Variants in UBE2W observed in about 807,000 individuals in gnomAD.
UBE2W encodes the protein ubiquitin-conjugating enzyme E2 W.
A neutral mutation model predicts 27.2 loss-of-function variants in UBE2W; 18 were observed. That is an observed-to-expected ratio of 0.66 (90% CI 0.46 to 0.98). UBE2W has a LOEUF of 0.98. Ranked by LOEUF, UBE2W falls within the 50% of genes least tolerant of loss-of-function variation. The pLI, the probability that UBE2W is intolerant of heterozygous loss-of-function variation, is 0.00. For missense variants in UBE2W, 90 were observed against 180.2 expected (o/e 0.50, Z 2.87); for synonymous variants, 53 against 57.2 (o/e 0.93, Z 0.33).
At chr8:73,797,878 T>C (rs1297307358) in intron 5 of UBE2W, among the ~76,000 whole-genome samples, 1 of 152,234 alleles carries the variant, frequency 6.6e-6, no homozygotes, top group African/African-American at 2.4e-5. Flanking sequence ...TGAGCATCCC[T>C]AAATCCAAAA....
intron 1 of UBE2W, among the ~76,000 whole-genome samples, chr8:73,855,558 C>T (rs1811262258): frequency 6.6e-6 from 1 of 151,924 alleles, no homozygotes; most frequent in African/African-American, 2.4e-5. Context: ...CACGCCACCA[C>T]ACCCAGCTAA....
At chr8:73,864,299 C>T (rs1375865090) in intron 1 of UBE2W, among the ~76,000 whole-genome samples, 2 of 152,158 alleles carry the variant, frequency 1.3e-5, no homozygotes, top group African/African-American at 4.8e-5. Flanking sequence ...AAGGCTAAGG[C>T]ACGAGAATCA....
intron 1 of UBE2W, among the ~76,000 whole-genome samples, chr8:73,868,309 C>T (rs932036215): frequency 8.5e-5 from 13 of 152,170 alleles, no homozygotes; most frequent in African/African-American, 3.1e-4. Context: ...GTTTGGAGAG[C>T]TTTTGAATTG....
chr8:73,799,112 A>G (rs1808537005), intron 5 of UBE2W, among the ~76,000 whole-genome samples: 1 of 152,178 alleles, frequency 6.6e-6, no homozygotes, highest in Non-Finnish European at 1.5e-5. Context: ...AGTCAACTAC[A>G]AGTAAGTAAT....
At chr8:73,870,895 A>C (rs1373551876) in intron 1 of UBE2W, among the ~76,000 whole-genome samples, 1 of 151,502 alleles carries the variant, frequency 6.6e-6, no homozygotes, top group Non-Finnish European at 1.5e-5. Context: ...TTCCAAATAG[A>C]GAAAACAACA....
At chr8:73,872,403 T>C (rs573280937) in intron 1 of UBE2W, among the ~76,000 whole-genome samples, 1 of 152,226 alleles carries the variant, frequency 6.6e-6, no homozygotes, top group Middle Eastern at 3.2e-3. Flanking sequence ...TTCATATTTA[T>C]ATAATATACC....
At chr8:73,834,062 G>A (rs1810208686) in intron 1 of UBE2W, 1 of 152,184 alleles carries the variant, frequency 6.6e-6, no homozygotes, top group Non-Finnish European at 1.5e-5. Context: ...TTCTTAAAGT[G>A]AAGAAGACAA....
intron 1 of UBE2W, among the ~76,000 whole-genome samples, chr8:73,840,073 C>CT (rs1292518526): frequency 6.6e-6 from 1 of 151,018 alleles, no homozygotes; most frequent in African/African-American, 2.4e-5. Context: ...TTTTTTCCCC[C>CT]CAAGAAGGAG....
intron 1 of UBE2W, among the ~76,000 whole-genome samples, chr8:73,869,556 T>G (rs1259571776): frequency 6.6e-6 from 1 of 152,182 alleles, no homozygotes; most frequent in East Asian, 1.9e-4. Context: ...CTGGGTGTGG[T>G]GGCGCACGCC....
chr8:73,831,349 G>C (rs1467997912), intron 1 of UBE2W: 1 of 183,600 alleles, frequency 5.4e-6, no homozygotes, highest in South Asian at 1.2e-4. Flanking sequence ...AGGCAAAGGA[G>C]GTCTACATGA....
At chr8:73,860,210 A>G (rs1201945124) in intron 1 of UBE2W, among the ~76,000 whole-genome samples, 1 of 152,144 alleles carries the variant, frequency 6.6e-6, no homozygotes, top group East Asian at 1.9e-4. Flanking sequence ...TACCAACCAA[A>G]TATTAACTGG....
chr8:73,788,298 G>C lies in UBE2W; in HGVS notation c.*5804C>G, dbSNP rs1172258374. ...AGTGACTTTACATATTTTGCAACTT[G>C]AGTTTATAAAATATATACATCCACC... On this transcript the variant is annotated 3_prime_UTR_variant, in exon 6 of 6. Transcript: ENST00000602593. The C allele has an allele frequency of 1.5e-5, 15 of 983,410 alleles. No individual in the cohort carries two copies. Among genetic ancestry groups the C allele is most frequent in the Non-Finnish European group, 1.8e-5 (15 of 828,244 alleles). 60.9% of individuals were successfully genotyped at this position (983,410 alleles called of 1,614,324 possible). A position where few individuals can be genotyped will look rare whatever the true frequency, so the allele number is the denominator to read the frequency against.
At chr8:73,795,748 C>T in intron 5 of UBE2W, 22 of 974,120 alleles carry the variant, frequency 2.3e-5, no homozygotes, top group Non-Finnish European at 2.7e-5. Flanking sequence ...AGAATAGTAT[C>T]TTTAAGAAAA....
At chr8:73,867,034 A>C (rs6472802) in intron 1 of UBE2W, among the ~76,000 whole-genome samples, 3,492 of 152,046 alleles carry the variant, frequency 0.023, 139 homozygotes, top group African/African-American at 0.08. Context: ...ATTTTTGTGA[A>C]TGTAATAAAT....
chr8:73,872,662 T>C (rs1812048585), intron 1 of UBE2W, among the ~76,000 whole-genome samples: 1 of 152,200 alleles, frequency 6.6e-6, no homozygotes, highest in South Asian at 2.1e-4. Flanking sequence ...TGAACACAGT[T>C]TGGCATCACA....
Position 73,822,284 on chromosome 8 carries a change from A to C in UBE2W, c.210+2863T>G, listed in dbSNP as rs181791251. On this transcript the variant is annotated intron_variant, in intron 3 of 5. Coordinates refer to ENST00000602593, the MANE Select transcript of UBE2W (RefSeq NM_018299.6). ...TCCTGTTGAGAGGGGGCACTGAGAG[A>C]CAGGACTAGCTGGATTTCCTAGGCC... Among the ~76,000 whole-genome samples the C allele has an allele frequency of 2.6e-3, 402 of 152,250 alleles. 1 individual carries two copies. The highest frequency in any genetic ancestry group is 9.2e-3 in the African/African-American group (382 of 41,528).
rs1808277786 is a variant in UBE2W, at chr8:73,793,263, G to A, written c.*839C>T. On this transcript the variant is annotated 3_prime_UTR_variant, in exon 6 of 6. Transcript: ENST00000602593. ...AAAATCTTTAATGTACAAATAACAA[G>A]CCCAAATTATGGACTGCAGCAATTT... is the stretch of plus-strand genomic sequence containing the variant. 1.0e-6 allele frequency: 1 copy of A among 985,498 alleles called. No homozygotes were observed. Among genetic ancestry groups the A allele is most frequent in the Non-Finnish European group, 1.2e-6 (1 of 829,892 alleles). 61.0% of individuals were successfully genotyped at this position (985,498 alleles called of 1,614,324 possible). A position where few individuals can be genotyped will look rare whatever the true frequency, so the allele number is the denominator to read the frequency against.
chr8:73,788,303 T>C lies in UBE2W; in HGVS notation c.*5799A>G, dbSNP rs1018260090. On this transcript the variant is annotated 3_prime_UTR_variant, in exon 6 of 6. Coordinates refer to ENST00000602593, the MANE Select transcript of UBE2W (RefSeq NM_018299.6). ...CTTTACATATTTTGCAACTTGAGTT[T>C]ATAAAATATATACATCCACCCTATT... The C allele has an allele frequency of 1.0e-6, 1 of 984,804 alleles. No homozygotes were observed. The highest frequency in any genetic ancestry group is 1.2e-6 in the Non-Finnish European group (1 of 829,332). 61.0% of individuals were successfully genotyped at this position (984,804 alleles called of 1,614,324 possible).
intron 1 of UBE2W, among the ~76,000 whole-genome samples, chr8:73,874,069 A>G (rs1586557375): frequency 6.6e-6 from 1 of 152,368 alleles, no homozygotes; most frequent in East Asian, 1.9e-4. Context: ...CTAAAATCAG[A>G]AATTATATCC....
Sources: gnomAD v4.1 joint callset for allele counts (sites outside exome capture counted in the v4.1 genomes callset) on GRCh38, gnomAD v4.1.1 for gene constraint, MANE v1.5 for transcripts, NCBI Gene and HGNC (gene_info 2026-07-23, HGNC 2026-07-21) for gene names.